The following ME1 variants were observed in gnomAD, a reference collection of about 807,000 sequenced individuals.
The protein encoded by ME1 is NADP-dependent malic enzyme.
Under a neutral mutation model 66.4 loss-of-function variants are expected in ME1, and 74 were observed. That is an observed-to-expected ratio of 1.11 (90% CI 0.92 to 1.35). The LOEUF (loss-of-function observed/expected upper bound fraction) is 1.35, where lower values mean the gene tolerates loss of function less well. Ranked by LOEUF, ME1 falls within the 40% of genes most tolerant of loss-of-function variation. The pLI is 0.00. For missense variants in ME1, 750 were observed against 694.1 expected (o/e 1.08, Z -0.90); for synonymous variants, 251 against 235.6 (o/e 1.07, Z -0.60).
At chr6:83,330,176 T>C (rs1768377227) in intron 5 of ME1, among the ~76,000 whole-genome samples, 3 of 152,328 alleles carry the variant, frequency 2.0e-5, no homozygotes, top group South Asian at 4.1e-4. Flanking sequence ...ATTATACACC[T>C]TTATCTTCTA....
chr6:83,383,309 T>C lies in ME1; in HGVS notation c.362+15058A>G, dbSNP rs376543723. On this transcript the variant is annotated intron_variant, in intron 3 of 13. Transcript: ENST00000369705. ...GTTTTACATTATAAAATGAGCAGGT[T>C]TTAAAAATCAACAAATAGCAAATGT... Among the ~76,000 whole-genome samples the C allele has an allele frequency of 1.2e-4, 19 of 152,028 alleles. No homozygotes were observed. In the East Asian group the frequency reaches 1.3e-3, roughly 11 times the overall value.
chr6:83,239,778 C>T (rs9444054), intron 7 of ME1, 142 bp from the exon 8 acceptor site: 52,806 of 589,286 alleles, frequency 0.09, 3,187 homozygotes, highest in East Asian at 0.22. Flanking sequence ...CCCATGCTTG[C>T]ATACGTGGTA....
Position 83,216,517 on chromosome 6 carries a change from G to A in ME1, c.1529C>T (p.Ser510Phe). ...YPPLNTIRDV[S>F]LKIAEKIVKD... ...TTTTACCTTTTCTGCAATTTTCAGA[G>A]AAACATCTCTAATGGTATTCAAAGG... Residue 510 changes from serine to phenylalanine, a missense_variant, in exon 13 of 14, where the codon TCT becomes TTT. Physicochemically the swap from Ser to Phe is radical, Grantham distance 155. Coordinates refer to ENST00000369705, the MANE Select transcript of ME1 (RefSeq NM_002395.6). 6.2e-7 allele frequency: 1 copy of A among 1,605,398 alleles called. No individual in the cohort carries two copies. Among genetic ancestry groups the A allele is most frequent in the Non-Finnish European group, 8.5e-7 (1 of 1,177,526 alleles).
chr6:83,235,470 ATT>A (rs10691116), intron 9 of ME1, among the ~76,000 whole-genome samples: 22 of 128,214 alleles, frequency 1.7e-4, no homozygotes, highest in African/African-American at 3.6e-4. Flanking sequence ...AGCAATAGCT[ATT>A]TTTTTTTTTT....
rs946447381 is a variant in ME1 at position 83,347,965 on chromosome 6, C to A, written c.439-1631G>T. Among the ~76,000 whole-genome samples, 5 of 152,136 alleles carry A rather than the reference C, an allele frequency of 3.3e-5. No homozygotes were observed. The South Asian group carries it at 1.0e-3, about 32-fold the overall frequency. On this transcript the variant is annotated intron_variant, in intron 4 of 13. Coordinates refer to ENST00000369705, the MANE Select transcript of ME1 (RefSeq NM_002395.6). ...CTAGTACAGTGCTCTTTTCACCATACCACATTGCAGAATATATTTTAAAAT... is the reference window on the plus strand; with the variant it reads ...CTAGTACAGTGCTCTTTTCACCATAACACATTGCAGAATATATTTTAAAAT...
At chr6:83,355,345 G>A (rs2128545013) in intron 3 of ME1, among the ~76,000 whole-genome samples, 1 of 152,272 alleles carries the variant, frequency 6.6e-6, no homozygotes, top group Non-Finnish European at 1.5e-5. Flanking sequence ...GGGGTATCCA[G>A]TAATATTTCT....
Position 83,393,196 on chromosome 6 carries a change from C to T in ME1, c.362+5171G>A, listed in dbSNP as rs559485498. ...GACACCAAGAAGGTGGTGAAGCAGG[C>T]GTCAGAGGACCCCCTCAAAGGCATC... On this transcript the variant is annotated intron_variant, in intron 3 of 13. Transcript: ENST00000369705. The T allele has an allele frequency of 2.1e-4, 257 of 1,203,924 alleles. No homozygotes were observed. The African/African-American group carries it at 3.1e-3, about 14-fold the overall frequency. 74.6% of individuals were successfully genotyped at this position (1,203,924 alleles called of 1,614,324 possible).
chr6:83,250,065 T>C (rs1192616107), intron 7 of ME1, among the ~76,000 whole-genome samples: 3 of 152,178 alleles, frequency 2.0e-5, no homozygotes, highest in Non-Finnish European at 2.9e-5. Flanking sequence ...GCCAGCATCA[T>C]GATACATTTA....
At chr6:83,275,484 T>TTTTTG (rs1219940739) in intron 6 of ME1, among the ~76,000 whole-genome samples, 2 of 144,980 alleles carry the variant, frequency 1.4e-5, no homozygotes, top group African/African-American at 2.5e-5. Context: ...TTTTTTTTTT[T>TTTTTG]TGATGGAGTC....
Position 83,236,550 on chromosome 6 carries a change from A to T in ME1, c.1026+1167T>A, listed in dbSNP as rs1304310378. Among the ~76,000 whole-genome samples the T allele has an allele frequency of 1.3e-5, 2 of 152,236 alleles. 1 individual carries two copies. ...GCAGTTTAAAGAATGATTGATATGC[A>T]CAGGTGGCACAAGTATTAATAATGC... is the stretch of plus-strand genomic sequence containing the variant. On this transcript the variant is annotated intron_variant, in intron 9 of 13. Coordinates refer to ENST00000369705, the MANE Select transcript of ME1 (RefSeq NM_002395.6).
intron 9 of ME1, among the ~76,000 whole-genome samples, chr6:83,233,077 T>C (rs1039623559): frequency 6.6e-6 from 1 of 152,078 alleles, no homozygotes; most frequent in East Asian, 1.9e-4. Context: ...AGAGCGAAAA[T>C]ATAATATTTA....
chr6:83,404,622 G>A (rs1192739518), intron 2 of ME1, among the ~76,000 whole-genome samples: 1 of 152,144 alleles, frequency 6.6e-6, no homozygotes, highest in African/African-American at 2.4e-5. Flanking sequence ...TTTTCTTCCA[G>A]GGTTTTTATG....
rs559834779 is a variant in ME1, at chr6:83,402,582, C to G, written c.213-4066G>C. ...ACTGGGAAAAATTGATCCTGACTAC[C>G]AAGAGGAAACTAAACTGTTACACTA... is the stretch of plus-strand genomic sequence containing the variant. On this transcript the variant is annotated intron_variant, in intron 2 of 13. Coordinates refer to ENST00000369705, the MANE Select transcript of ME1 (RefSeq NM_002395.6). Among the ~76,000 whole-genome samples, 4 of 152,206 alleles carry G rather than the reference C, an allele frequency of 2.6e-5. 1 individual carries two copies. The highest frequency in any genetic ancestry group is 2.6e-4 in the Admixed American group (4 of 15,294).
intron 6 of ME1, among the ~76,000 whole-genome samples, chr6:83,266,416 A>G (rs1356602768): frequency 6.6e-6 from 1 of 152,206 alleles, no homozygotes; most frequent in African/African-American, 2.4e-5. Flanking sequence ...GAATAATGTC[A>G]AAGTCTGAAT....
intron 11 of ME1, among the ~76,000 whole-genome samples, chr6:83,226,908 A>G (rs573350022): frequency 4.6e-5 from 7 of 152,286 alleles, no homozygotes; most frequent in Non-Finnish European, 7.4e-5. Context: ...TAGTTGCCCA[A>G]ATGTTCCACC....
At chr6:83,222,063 C>T (rs773902330) in intron 12 of ME1, among the ~76,000 whole-genome samples, 43 of 151,816 alleles carry the variant, frequency 2.8e-4, no homozygotes, top group Non-Finnish European at 5.4e-4. Context: ...ATATTTTTCA[C>T]GGAATTTGTC....
rs539100204 is a variant in ME1, at chr6:83,388,691, T to TC, written c.362+9675dup. Among the ~76,000 whole-genome samples, 633 of 152,316 alleles carry TC rather than the reference T, an allele frequency of 4.2e-3. 7 individuals are homozygous for TC. Among genetic ancestry groups the TC allele is most frequent in the African/African-American group, 0.015 (604 of 41,572 alleles). ...TTAATTCGAGCACTGAATACTTTTT[T>TC]CATCATAACTTTTTGGTGAACCAAA... On this transcript the variant is annotated intron_variant, in intron 3 of 13. Transcript: ENST00000369705.
At chr6:83,221,345 T>G (rs574333643) in intron 12 of ME1, among the ~76,000 whole-genome samples, 1 of 152,172 alleles carries the variant, frequency 6.6e-6, no homozygotes, top group Admixed American at 6.5e-5. Flanking sequence ...CAGGATGTGG[T>G]GGTATTTAAG....
At chr6:83,268,416 T>A (rs1767026247) in intron 6 of ME1, among the ~76,000 whole-genome samples, 1 of 152,154 alleles carries the variant, frequency 6.6e-6, no homozygotes, top group Non-Finnish European at 1.5e-5. Flanking sequence ...ACAATTAGGG[T>A]AAGTTCCGAT....
Sources: gnomAD v4.1 joint callset for allele counts (sites outside exome capture counted in the v4.1 genomes callset) on GRCh38, gnomAD v4.1.1 for gene constraint, MANE v1.5 for transcripts, NCBI Gene and HGNC (gene_info 2026-07-23, HGNC 2026-07-21) for gene names.